The following WDFY3 variants were observed in gnomAD, a reference collection of about 807,000 sequenced individuals.
WDFY3 encodes the protein WD repeat and FYVE domain containing 3.
WDFY3 carries 66 observed loss-of-function variants against 409.6 expected under a neutral mutation model. That is an observed-to-expected ratio of 0.16 (90% CI 0.13 to 0.20). The LOEUF is 0.20. Ranked by LOEUF, WDFY3 falls within the 10% of genes least tolerant of loss-of-function variation. WDFY3 has a pLI of 1.00. For missense variants in WDFY3, 3,031 were observed against 4,298.1 expected (o/e 0.71, Z 8.24); for synonymous variants, 1,521 against 1,537.1 (o/e 0.99, Z 0.25).
chr4:84,694,955 A>T (rs1403776390), intron 58 of WDFY3, among the ~76,000 whole-genome samples: 1 of 152,022 alleles, frequency 6.6e-6, no homozygotes, highest in African/African-American at 2.4e-5. Context: ...AACCCTGGAA[A>T]CCTCAAGTTA....
intron 56 of WDFY3, among the ~76,000 whole-genome samples, 189 bp from the exon 57 acceptor site, chr4:84,697,012 A>G (rs1417083651): frequency 6.6e-6 from 1 of 152,192 alleles, no homozygotes; most frequent in Non-Finnish European, 1.5e-5. Context: ...ACTCCAGCAG[A>G]AAGAGTTACT....
At chr4:84,716,015 A>G (rs1733830684) in intron 49 of WDFY3, among the ~76,000 whole-genome samples, 2 of 152,156 alleles carry the variant, frequency 1.3e-5, no homozygotes, top group South Asian at 2.1e-4. Context: ...GGATAGCTAC[A>G]GGGAAAGATG....
chr4:84,939,572 T>A (rs1008045861), intron 1 of WDFY3, among the ~76,000 whole-genome samples: 4 of 152,164 alleles, frequency 2.6e-5, no homozygotes, highest in Non-Finnish European at 4.4e-5. Flanking sequence ...CCTTCCTTTC[T>A]CCTCTATTCA....
intron 51 of WDFY3, 42 bp from the exon 52 acceptor site, chr4:84,709,389 T>C (rs777012734): frequency 1.3e-6 from 2 of 1,547,240 alleles, no homozygotes; most frequent in Non-Finnish European, 8.7e-7. Context: ...AGCAATAAAA[T>C]TTTAAATCTG....
intron 35 of WDFY3, among the ~76,000 whole-genome samples, 174 bp downstream of exon 35, chr4:84,753,523 G>A (rs1478419944): frequency 6.6e-6 from 1 of 152,136 alleles, no homozygotes; most frequent in African/African-American, 2.4e-5. Context: ...AGGAAACTGT[G>A]GGGAGCTGGG....
intron 2 of WDFY3, among the ~76,000 whole-genome samples, chr4:84,909,029 TACACAC>T: frequency 6.7e-6 from 1 of 149,922 alleles, no homozygotes; most frequent in Admixed American, 6.6e-5. Context: ...CACGTATCCA[TACACAC>T]ACACACACAC....
chr4:84,676,257 T>C (rs927499745), intron 67 of WDFY3, among the ~76,000 whole-genome samples: 2 of 152,046 alleles, frequency 1.3e-5, no homozygotes, highest in Non-Finnish European at 2.9e-5. Context: ...GAAACCCAAA[T>C]AGCCAACAAA....
At chr4:84,765,737 G>A in intron 32 of WDFY3, 73 bp downstream of exon 32, 3 of 1,324,534 alleles carry the variant, frequency 2.3e-6, no homozygotes, top group Non-Finnish European at 3.2e-6. Flanking sequence ...CAGAGGATAA[G>A]TTTACATAAA....
chr4:84,857,652 T>C (rs1346421670), intron 4 of WDFY3, among the ~76,000 whole-genome samples: 2 of 152,184 alleles, frequency 1.3e-5, no homozygotes, highest in African/African-American at 4.8e-5. Context: ...AACAATGGCT[T>C]GTCATAGTTC....
intron 4 of WDFY3, among the ~76,000 whole-genome samples, chr4:84,857,003 T>G (rs571795563): frequency 5.9e-4 from 90 of 152,276 alleles, no homozygotes; most frequent in Middle Eastern, 3.4e-3. Context: ...ATTAATTATA[T>G]CCAATTAATA....
chr4:84,721,681 G>T, intron 46 of WDFY3, 109 bp from the exon 47 acceptor site: 1 of 1,341,076 alleles, frequency 7.5e-7, no homozygotes, highest in Non-Finnish European at 1.0e-6. Context: ...GACAATTTTG[G>T]AAGGTATAGG....
At chr4:84,917,854 G>C (rs952367450) in intron 2 of WDFY3, among the ~76,000 whole-genome samples, 1 of 151,956 alleles carries the variant, frequency 6.6e-6, no homozygotes, top group Admixed American at 6.6e-5. Context: ...AAAGAGCTTA[G>C]TAATAATTTA....
rs939690966 is a variant in WDFY3 at position 84,765,900 on chromosome 4, T to G, written c.5098A>C (p.Ile1700Leu). The change falls in exon 32 of 68, where the codon ATT (isoleucine) becomes CTT (leucine). Residue 1700 changes from isoleucine (I) to leucine (L), a missense_variant. Around this residue, in one of 16 missense-constraint regions of WDFY3, gnomAD observed 342 missense variants for 463.7 expected, o/e 0.74. Transcript: ENST00000295888. ...AGTCCTTCTTTAAACTTGATGAGAA[T>G]AGACTGATTACTTAGTAGGACAACA... ...ILVVLLSNQS[I>L]LIKFKEGLSG... The G allele has an allele frequency of 1.2e-6, 2 of 1,613,998 alleles. No homozygotes were observed. The highest frequency in any genetic ancestry group is 8.5e-7 in the Non-Finnish European group (1 of 1,179,946).
chr4:84,959,800 A>G (rs1561167910), intron 1 of WDFY3, among the ~76,000 whole-genome samples: 1 of 152,248 alleles, frequency 6.6e-6, no homozygotes, highest in Non-Finnish European at 1.5e-5. Context: ...TGTCATTAAT[A>G]CTTGTCACAC....
chr4:84,894,305 A>G (rs542810528), intron 3 of WDFY3, among the ~76,000 whole-genome samples: 1 of 152,308 alleles, frequency 6.6e-6, no homozygotes, highest in East Asian at 1.9e-4. Context: ...ATTGTCATGT[A>G]CTTATGTATA....
At chr4:84,715,835 C>T (rs1260850383) in intron 49 of WDFY3, among the ~76,000 whole-genome samples, 1 of 149,662 alleles carries the variant, frequency 6.7e-6, no homozygotes. Context: ...GTCATGAATT[C>T]CCTGCAGATT....
intron 32 of WDFY3, among the ~76,000 whole-genome samples, chr4:84,762,151 G>C (rs201069174): frequency 0.065 from 9,859 of 151,742 alleles, 444 homozygotes; most frequent in Admixed American, 0.12. Flanking sequence ...CTGCTATAAA[G>C]ACACATGCAC....
At chr4:84,755,871 T>A (rs1741349894) in intron 33 of WDFY3, among the ~76,000 whole-genome samples, 1 of 152,204 alleles carries the variant, frequency 6.6e-6, no homozygotes, top group South Asian at 2.1e-4. Flanking sequence ...TATATAAACT[T>A]TATGACTATG....
intron 61 of WDFY3, among the ~76,000 whole-genome samples, chr4:84,689,146 C>A (rs1206633622): frequency 6.6e-6 from 1 of 152,120 alleles, no homozygotes; most frequent in African/African-American, 2.4e-5. Flanking sequence ...TCAGTGTAAA[C>A]TTGGAGGAGA....
Sources: gnomAD v4.1 joint callset for allele counts (sites outside exome capture counted in the v4.1 genomes callset) on GRCh38, gnomAD v4.1.1 for gene constraint, gnomAD v4.1.1 regional missense constraint, MANE v1.5 for transcripts, NCBI Gene and HGNC (gene_info 2026-07-23, HGNC 2026-07-21) for gene names.